Variants in ZNF558 observed in about 807,000 individuals in gnomAD.
The protein encoded by ZNF558 is zinc finger protein 558.
ZNF558 carries 23 observed loss-of-function variants against 37.6 expected under a neutral mutation model. The observed-to-expected ratio is 0.61, with a 90% CI of 0.44 to 0.87. The LOEUF (loss-of-function observed/expected upper bound fraction) is 0.87. ZNF558 is among the 40% of genes least tolerant of loss of function. ZNF558 has a pLI of 0.00. For synonymous variants in ZNF558, 189 were observed against 174.4 expected, an observed-to-expected ratio of 1.08 and a Z score of -0.66; for missense variants, 429 against 483.7, an observed-to-expected ratio of 0.89 and a Z score of 1.06.
chr19:8,812,075 G>C lies in ZNF558; in HGVS notation c.427-12C>G, dbSNP rs1306945602. Reference sequence around the variant, plus strand: ...CGATGACTTCTTTCCTGTGGATTAAGAGATGAATGATAACTATAATTTATA... The same window carrying C: ...CGATGACTTCTTTCCTGTGGATTAACAGATGAATGATAACTATAATTTATA... On this transcript the variant is annotated splice_polypyrimidine_tract_variant and intron_variant, in intron 9 of 9. Coordinates refer to ENST00000601372, the MANE Select transcript of ZNF558 (RefSeq NM_144693.3). 1.3e-6 allele frequency: 2 copies of C among 1,527,868 alleles called. No homozygotes were observed. Among genetic ancestry groups the C allele is most frequent in the African/African-American group, 2.8e-5 (2 of 70,586 alleles). The allele number at this position is 1,527,868 out of a possible 1,614,324, so 94.6% of individuals were successfully genotyped here. A position where few individuals can be genotyped will look rare whatever the true frequency, so the allele number is the denominator to read the frequency against.
At chr19:8,820,153 AG>A (rs2044046625) in intron 7 of ZNF558, among the ~76,000 whole-genome samples, 1 of 152,222 alleles carries the variant, frequency 6.6e-6, no homozygotes, top group South Asian at 2.1e-4. Context: ...GGGAAGATGC[AG>A]AGAAGCTGGA....
At chr19:8,815,736 C>A (rs565099561) in intron 7 of ZNF558, among the ~76,000 whole-genome samples, 1 of 152,054 alleles carries the variant, frequency 6.6e-6, no homozygotes, top group South Asian at 2.1e-4. Flanking sequence ...CAGTAAGCCA[C>A]AATCACTCTG....
chr19:8,837,945 T>C, the ZNF558 span, among the ~76,000 whole-genome samples: 2 of 152,014 alleles, frequency 1.3e-5, no homozygotes, highest in Non-Finnish European at 2.9e-5. Flanking sequence ...GCTGAAATTC[T>C]ACCCAGAAGA....
chr19:8,833,843 C>T (rs2044419532), upstream of ZNF558, among the ~76,000 whole-genome samples: 2 of 151,924 alleles, frequency 1.3e-5, no homozygotes, highest in African/African-American at 2.4e-5. Flanking sequence ...CAAAATTAGC[C>T]GGGCGTGGTG....
At chr19:8,823,532 G>A (rs113706611) in intron 4 of ZNF558, among the ~76,000 whole-genome samples, 1 of 110,738 alleles carries the variant, frequency 9.0e-6, no homozygotes, top group African/African-American at 3.6e-5. Context: ...CCCATGTTCT[G>A]CCTGTTACCC....
At position 8,818,311 on chromosome 19, in the gene ZNF558, G is replaced by A. The variant is rs139049077; in HGVS notation, c.247+2869C>T. ...TACTAAAAATACAAAAATTAGCTGG[G>A]CGTGGTGGTGCGCACCTGTAGTCCG... On this transcript the variant is annotated intron_variant, in intron 7 of 9. Transcript: ENST00000601372. 2.6e-5 allele frequency among the ~76,000 whole-genome samples: 4 copies of A among 152,188 alleles called. No homozygotes were observed. The East Asian group carries it at 7.7e-4, about 29-fold the overall frequency.
intron 9 of ZNF558, 145 bp from the exon 10 acceptor site, chr19:8,812,208 C>T: frequency 1.3e-6 from 1 of 790,132 alleles, no homozygotes; most frequent in Non-Finnish European, 1.9e-6. Context: ...GTGATTTCTG[C>T]CCAGTTTTAG....
rs1230319247 is a variant in ZNF558, at chr19:8,809,848, A to G, written c.*1433T>C. On this transcript the variant is annotated 3_prime_UTR_variant, in exon 10 of 10. Coordinates refer to ENST00000601372, the MANE Select transcript of ZNF558 (RefSeq NM_144693.3). ...ACTGATAAAGGATATCCCACACTCAAAACAGTGATTATACTTTTTGTTCCC... is the reference window on the plus strand; with the variant it reads ...ACTGATAAAGGATATCCCACACTCAGAACAGTGATTATACTTTTTGTTCCC... The G allele has an allele frequency of 3.9e-5, 6 of 152,230 alleles. No homozygotes were observed. Among genetic ancestry groups the G allele is most frequent in the African/African-American group, 1.4e-4 (6 of 41,460 alleles). The allele number at this position is 152,230 out of a possible 1,614,324, so 9.4% of individuals were successfully genotyped here.
upstream of ZNF558, among the ~76,000 whole-genome samples, chr19:8,832,834 A>G (rs1288711159): frequency 2.0e-5 from 3 of 149,768 alleles, no homozygotes; most frequent in Admixed American, 1.3e-4. Context: ...TGGTTGTGAC[A>G]GCCCTGGAGG....
At chr19:8,834,647 A>T (rs1164698207), upstream of ZNF558, among the ~76,000 whole-genome samples, 1 of 151,780 alleles carries the variant, frequency 6.6e-6, no homozygotes, top group Non-Finnish European at 1.5e-5. Context: ...ACAAAAAAAA[A>T]ACCAACCAAC....
At chr19:8,814,706 A>G (rs2043886452) in intron 7 of ZNF558, among the ~76,000 whole-genome samples, 1 of 152,150 alleles carries the variant, frequency 6.6e-6, no homozygotes, top group African/African-American at 2.4e-5. Context: ...GCATGTCCCT[A>G]TGTACACACA....
chr19:8,818,726 G>A (rs2044004688), intron 7 of ZNF558, among the ~76,000 whole-genome samples: 1 of 151,952 alleles, frequency 6.6e-6, no homozygotes, highest in Non-Finnish European at 1.5e-5. Flanking sequence ...ACTGACCCAA[G>A]GACAGATACA....
intron 4 of ZNF558, among the ~76,000 whole-genome samples, chr19:8,823,357 C>A (rs1183282219): frequency 5.6e-5 from 8 of 142,628 alleles, no homozygotes; most frequent in African/African-American, 1.8e-4. Flanking sequence ...GCCTCGGTCA[C>A]CCCCCTCCTG....
chr19:8,814,389 G>A (rs1047668479), intron 7 of ZNF558, among the ~76,000 whole-genome samples: 4 of 152,094 alleles, frequency 2.6e-5, no homozygotes, highest in African/African-American at 4.8e-5. Context: ...ACACGTGATC[G>A]ACAGATGTAA....
rs1555766365 is a variant in ZNF558, at chr19:8,806,814, T to C, written c.*4467A>G. 1 of 152,190 alleles carries C rather than the reference T, an allele frequency of 6.6e-6. No homozygotes were observed. The highest frequency in any genetic ancestry group is 1.9e-4 in the East Asian group (1 of 5,200). The allele number at this position is 152,190 out of a possible 1,614,324, so 9.4% of individuals were successfully genotyped here. On this transcript the variant is annotated 3_prime_UTR_variant, in exon 10 of 10. Coordinates refer to ENST00000601372, the MANE Select transcript of ZNF558 (RefSeq NM_144693.3). Reference sequence around the variant, plus strand: ...GACAATTTCCCCCTCCTCCAACCCATTTAACCCTTTATATGTCAGATGTCA... The same window carrying C: ...GACAATTTCCCCCTCCTCCAACCCACTTAACCCTTTATATGTCAGATGTCA...
chr19:8,832,127 G>A (rs1232708709), intron 1 of ZNF558, 82 bp downstream of exon 1: 1 of 152,258 alleles, frequency 6.6e-6, no homozygotes, highest in African/African-American at 2.4e-5. Context: ...GCTCCCTGGA[G>A]GGACGCAGGG....
chr19:8,835,171 C>T (rs2044442102), upstream of ZNF558, among the ~76,000 whole-genome samples: 1 of 152,052 alleles, frequency 6.6e-6, no homozygotes, highest in African/African-American at 2.4e-5. Context: ...CCTGCCTCAG[C>T]CTCCCAAGTA....
rs1212574948 is a variant in ZNF558 at position 8,825,041 on chromosome 19, T to C, written c.-441A>G. ...TTGCAGCAACTCTGGCGCTATTTCCTATCTGGCAGGTCAACAGAGACACAG... is the reference window on the plus strand; with the variant it reads ...TTGCAGCAACTCTGGCGCTATTTCCCATCTGGCAGGTCAACAGAGACACAG... On this transcript the variant is annotated 5_prime_UTR_variant, in exon 3 of 10. In the 5' UTR this introduces an upstream ATG that the reference lacks. Transcript: ENST00000601372. 1.3e-5 allele frequency: 2 copies of C among 152,426 alleles called. No individual in the cohort carries two copies. The highest frequency in any genetic ancestry group is 1.9e-4 in the East Asian group (1 of 5,182). 9.4% of individuals were successfully genotyped at this position (152,426 alleles called of 1,614,324 possible). A position where few individuals can be genotyped will look rare whatever the true frequency, so the allele number is the denominator to read the frequency against.
rs1467163083 is a variant in ZNF558 at position 8,810,862 on chromosome 19, T to C, written c.*419A>G. On this transcript the variant is annotated 3_prime_UTR_variant, in exon 10 of 10. Transcript: ENST00000601372. ...TGGTCCTCTCTTGGATCACTAACCT[T>C]GGCGAGAACTTATTGCCAAATTGTC... 6.1e-6 allele frequency: 1 copy of C among 164,238 alleles called. No individual in the cohort carries two copies. Among genetic ancestry groups the C allele is most frequent in the Non-Finnish European group, 1.3e-5 (1 of 75,348 alleles). The allele number at this position is 164,238 out of a possible 1,614,324, so 10.2% of individuals were successfully genotyped here.
Sources: allele counts gnomAD v4.1 joint callset (sites outside exome capture counted in the v4.1 genomes callset), GRCh38; gene constraint gnomAD v4.1.1; transcripts MANE v1.5; gene names NCBI Gene and HGNC (gene_info 2026-07-23, HGNC 2026-07-21).